PRKDC: variants seen among roughly 807,000 people sequenced by gnomAD.
PRKDC encodes the protein DNA-dependent protein kinase catalytic subunit.
In PRKDC, 82 loss-of-function variants were observed where a neutral mutation model predicts 486.9. That is an observed-to-expected ratio of 0.17 (90% confidence interval 0.14 to 0.20). The LOEUF (loss-of-function observed/expected upper bound fraction) is 0.20, where lower values mean the gene tolerates loss of function less well. PRKDC is among the 10% of genes least tolerant of loss of function. The pLI is 1.00. For synonymous variants in PRKDC, 1,895 were observed against 1,837.0 expected (o/e 1.03, Z -0.81); for missense variants, 4,504 against 5,038.2 (o/e 0.89, Z 3.21).
In PRKDC at chr8:47,950,325, T is replaced by C. The variant is rs540579940; in HGVS notation, c.721+3295A>G. Among the ~76,000 whole-genome samples, 6 of 146,260 alleles carry C rather than the reference T, an allele frequency of 4.1e-5. No individual in the cohort carries two copies. The South Asian group carries it at 1.3e-3, about 32-fold the overall frequency. On this transcript the variant is annotated intron_variant, in intron 7 of 85. Coordinates refer to ENST00000314191, the MANE Select transcript of PRKDC (RefSeq NM_006904.7). ...GAGCAAAGGAGCTTTTTCCCTCCCC[T>C]TAAGATTATTTTAGGATCGGCCAGG...
At position 47,890,566 on chromosome 8, in the gene PRKDC, C is replaced by T; in HGVS notation, c.3848-86G>A. ...ATAAAATTGCTTCTGTAAGTATAGG[C>T]ATGGTATACGTTCAGCAAAAATTCA... On this transcript the variant is annotated intron_variant, in intron 31 of 85. Transcript: ENST00000314191. 12 of 1,037,414 alleles carry T rather than the reference C, an allele frequency of 1.2e-5. No homozygotes were observed. The Middle Eastern group carries it at 9.3e-4, about 80-fold the overall frequency. 64.3% of individuals were successfully genotyped at this position (1,037,414 alleles called of 1,614,324 possible).
At chr8:47,901,929 T>C (rs2089691511) in intron 27 of PRKDC, among the ~76,000 whole-genome samples, 1 of 152,196 alleles carries the variant, frequency 6.6e-6, no homozygotes, top group Admixed American at 6.5e-5. Flanking sequence ...TGTTCACTGG[T>C]GTTCCAGTCT....
At chr8:47,900,531 G>A (rs1035214725) in intron 27 of PRKDC, 64 bp from the exon 28 acceptor site, 1 of 1,403,926 alleles carries the variant, frequency 7.1e-7, no homozygotes, top group Non-Finnish European at 9.8e-7. Flanking sequence ...ACAAAGAAAA[G>A]AAGGAATGGA....
chr8:47,790,223 A>G (rs965498057), intron 74 of PRKDC, among the ~76,000 whole-genome samples: 2 of 152,264 alleles, frequency 1.3e-5, no homozygotes, highest in Non-Finnish European at 2.9e-5. Flanking sequence ...AGATACAAAA[A>G]TCAACATACA....
intron 64 of PRKDC, 67 bp downstream of exon 64, chr8:47,823,791 A>G: frequency 6.4e-7 from 1 of 1,570,782 alleles, no homozygotes; most frequent in Non-Finnish European, 8.7e-7. Context: ...TTTTGCTTAA[A>G]GTCATAGTTC....
chr8:47,800,061 A>G (rs1394629321), intron 71 of PRKDC, among the ~76,000 whole-genome samples: 1 of 152,242 alleles, frequency 6.6e-6, no homozygotes, highest in Non-Finnish European at 1.5e-5. Flanking sequence ...GGAGTATGTC[A>G]ATTTTCCACA....
intron 31 of PRKDC, among the ~76,000 whole-genome samples, chr8:47,890,965 GAC>G (rs2089443486): frequency 6.6e-6 from 1 of 152,184 alleles, no homozygotes; most frequent in Non-Finnish European, 1.5e-5. Context: ...AAAGGACAGA[GAC>G]AAATTATGGA....
At chr8:47,935,117 C>G in intron 13 of PRKDC, 59 bp from the exon 14 acceptor site, 1 of 1,187,908 alleles carries the variant, frequency 8.4e-7, no homozygotes, top group Non-Finnish European at 1.2e-6. Flanking sequence ...AATCAAAACT[C>G]ACAAAAAAAA....
chr8:47,932,598 T>G (rs2090276410), intron 16 of PRKDC, among the ~76,000 whole-genome samples: 4 of 152,292 alleles, frequency 2.6e-5, no homozygotes, highest in Middle Eastern at 6.8e-3. Flanking sequence ...TCTCTTCCTA[T>G]TATCTATATT....
intron 40 of PRKDC, among the ~76,000 whole-genome samples, chr8:47,872,959 G>T (rs1017320379): frequency 2.6e-5 from 4 of 152,078 alleles, no homozygotes; most frequent in Admixed American, 2.6e-4. Context: ...GATGTTTACA[G>T]AACATCTGAC....
At chr8:47,924,272 T>C (rs150894310) in intron 21 of PRKDC, among the ~76,000 whole-genome samples, 15 of 152,108 alleles carry the variant, frequency 9.9e-5, no homozygotes, top group Admixed American at 2.6e-4. Flanking sequence ...GAAAATGAGG[T>C]GTGGGTCTGG....
At chr8:47,826,512 G>T in intron 63 of PRKDC, 144 bp downstream of exon 63, 2 of 830,630 alleles carry the variant, frequency 2.4e-6, no homozygotes, top group South Asian at 2.0e-5. Context: ...ATGGTACTCA[G>T]CCTGAAAGAC....
At chr8:47,849,100 A>C in intron 54 of PRKDC, 54 bp downstream of exon 54, 1 of 1,584,314 alleles carries the variant, frequency 6.3e-7, no homozygotes, top group Non-Finnish European at 8.6e-7. Context: ...CGTCTTAATA[A>C]ATTAACGCTT....
At chr8:47,850,775 C>T (rs1176756357) in intron 52 of PRKDC, among the ~76,000 whole-genome samples, 1 of 152,166 alleles carries the variant, frequency 6.6e-6, no homozygotes, top group Non-Finnish European at 1.5e-5. Context: ...TGCTGAGGGA[C>T]ATTGCGTGGG....
intron 21 of PRKDC, 35 bp downstream of exon 21, chr8:47,927,159 A>T (rs1166183187): frequency 8.8e-6 from 14 of 1,592,710 alleles, no homozygotes; most frequent in Non-Finnish European, 1.1e-5. Context: ...TTCCATTTTA[A>T]TTACAATACA....
chr8:47,872,457 G>T (rs1217522747), intron 40 of PRKDC, among the ~76,000 whole-genome samples: 1 of 136,522 alleles, frequency 7.3e-6, no homozygotes, highest in African/African-American at 2.8e-5. Flanking sequence ...TAAATGGATT[G>T]AACTGTCCAA....
At position 47,834,387 on chromosome 8, in the gene PRKDC, C is replaced by T; in HGVS notation, c.7961G>A (p.Ser2654Asn). 1.9e-6 allele frequency: 3 copies of T among 1,613,252 alleles called. No individual in the cohort carries two copies. The highest frequency in any genetic ancestry group is 2.5e-6 in the Non-Finnish European group (3 of 1,179,788). Residue 2654 changes from serine to asparagine, a missense_variant, in exon 59 of 86, where the codon AGC (serine) becomes AAC (asparagine). Coordinates refer to ENST00000314191, the MANE Select transcript of PRKDC (RefSeq NM_006904.7). ...FTLTQTADGR[S>N]SFDWLTGSST... is the part of the protein sequence containing the mutation. ...GCTCCCGGTCAGCCAATCAAATGAG[C>T]TTCTTCCATCTGTGACATGCAATCA... is the stretch of plus-strand genomic sequence containing the variant.
intron 61 of PRKDC, 138 bp downstream of exon 61, chr8:47,830,467 C>T: frequency 1.7e-6 from 2 of 1,188,264 alleles, no homozygotes; most frequent in Non-Finnish European, 2.3e-6. Flanking sequence ...GTCTTTATAC[C>T]AAGTCCACCG....
chr8:47,885,359 G>A (rs145463962), intron 36 of PRKDC, among the ~76,000 whole-genome samples: 69 of 151,334 alleles, frequency 4.6e-4, no homozygotes, highest in Admixed American at 1.4e-3. Flanking sequence ...TGCCATGTTC[G>A]CCAGGCTGGG....
Sources: allele counts gnomAD v4.1 joint callset (sites outside exome capture counted in the v4.1 genomes callset), GRCh38; gene constraint gnomAD v4.1.1; transcripts MANE v1.5; gene names NCBI Gene and HGNC (gene_info 2026-07-23, HGNC 2026-07-21).